OGDH: variants seen among roughly 807,000 people sequenced by gnomAD.
OGDH encodes the protein oxoglutarate dehydrogenase.
OGDH carries 38 observed loss-of-function variants against 116.6 expected under a neutral mutation model. The ratio of observed to expected loss-of-function variants is 0.33; its 90% CI spans 0.25 to 0.43. The LOEUF is 0.43. Among genes scored for constraint, OGDH ranks in the 20% least tolerant of loss-of-function variants. The probability of loss-of-function intolerance (pLI) is 1.00; values close to 1 mark genes in which losing one functional copy is unlikely to be tolerated. For synonymous variants in OGDH, 488 were observed against 533.3 expected (o/e 0.92, Z 1.17); for missense variants, 825 against 1,357.2 (o/e 0.61, Z 6.16).
intron 1 of OGDH, among the ~76,000 whole-genome samples, chr7:44,609,040 C>A (rs1784462896): frequency 6.6e-6 from 1 of 152,170 alleles, no homozygotes; most frequent in Admixed American, 6.6e-5. Flanking sequence ...CACCCACATT[C>A]CTCCCATTCC....
intron 3 of OGDH, among the ~76,000 whole-genome samples, chr7:44,646,229 T>C (rs1786175612): frequency 6.6e-6 from 1 of 152,238 alleles, no homozygotes; most frequent in Admixed American, 6.5e-5. Flanking sequence ...CAAGTGAGCC[T>C]GGTGCTTCCC....
chr7:44,617,096 A>G (rs1784836131), intron 1 of OGDH, among the ~76,000 whole-genome samples: 1 of 150,764 alleles, frequency 6.6e-6, no homozygotes, highest in South Asian at 2.1e-4. Context: ...ATGCACAGCT[A>G]ATTTTTTTGT....
chr7:44,665,010 A>T (rs143204936), intron 4 of OGDH, among the ~76,000 whole-genome samples: 2 of 152,354 alleles, frequency 1.3e-5, no homozygotes, highest in South Asian at 2.1e-4. Flanking sequence ...TCACAATCAA[A>T]ATATTTCCCA....
chr7:44,656,855 C>T (rs893374502), intron 4 of OGDH, among the ~76,000 whole-genome samples: 1 of 152,164 alleles, frequency 6.6e-6, no homozygotes, highest in Non-Finnish European at 1.5e-5. Flanking sequence ...TAAAAACTTA[C>T]TGAGAACTCT....
At chr7:44,608,465 G>A (rs1209059926) in intron 1 of OGDH, among the ~76,000 whole-genome samples, 7 of 152,004 alleles carry the variant, frequency 4.6e-5, no homozygotes, top group African/African-American at 9.7e-5. Context: ...TTGGGAGGCC[G>A]AGGTGGGTGG....
intron 2 of OGDH, among the ~76,000 whole-genome samples, chr7:44,633,261 A>AAC (rs1349280735): frequency 6.6e-6 from 1 of 151,192 alleles, no homozygotes; most frequent in Non-Finnish European, 1.5e-5. Context: ...TCAAAAAAAA[A>AAC]AAAAAAAAAA....
intron 9 of OGDH, 106 bp downstream of exon 9, chr7:44,676,255 T>A: frequency 6.3e-7 from 1 of 1,589,544 alleles, no homozygotes; most frequent in Non-Finnish European, 8.6e-7. Flanking sequence ...ATCTAGACTT[T>A]AAAAAAATAT....
At chr7:44,688,070 T>G (rs1398348863) in intron 10 of OGDH, among the ~76,000 whole-genome samples, 1 of 152,140 alleles carries the variant, frequency 6.6e-6, no homozygotes, top group Non-Finnish European at 1.5e-5. Flanking sequence ...TTTGGGCTAT[T>G]ATAAATAATG....
chr7:44,704,549 G>T (rs1788978445), intron 20 of OGDH, among the ~76,000 whole-genome samples: 1 of 151,838 alleles, frequency 6.6e-6, no homozygotes, highest in African/African-American at 2.4e-5. Flanking sequence ...TTTTGAATCT[G>T]GTTGCTTGTT....
chr7:44,702,581 TTTTA>T (rs553174514), intron 20 of OGDH, among the ~76,000 whole-genome samples: 12 of 151,574 alleles, frequency 7.9e-5, no homozygotes, highest in South Asian at 2.1e-4. Flanking sequence ...TTATTTTTAA[TTTTA>T]TTTATTTATT....
chr7:44,616,786 T>TGTATATGC, intron 1 of OGDH, among the ~76,000 whole-genome samples: 1 of 62,816 alleles, frequency 1.6e-5, no homozygotes, highest in Non-Finnish European at 4.5e-5. Flanking sequence ...TGTATATGCA[T>TGTATATGC]ATATATATGT....
At chr7:44,676,687 T>C (rs1449511710) in intron 9 of OGDH, 7 of 361,298 alleles carry the variant, frequency 1.9e-5, no homozygotes, top group Non-Finnish European at 2.3e-5. Flanking sequence ...CAGTCCTGCT[T>C]ACAGTGTTCC....
intron 9 of OGDH, 126 bp from the exon 10 acceptor site, chr7:44,681,594 C>A: frequency 1.5e-6 from 2 of 1,356,946 alleles, no homozygotes; most frequent in Non-Finnish European, 1.0e-6. Context: ...TTTCCTGCTA[C>A]TTTCTATGTT....
Position 44,697,276 on chromosome 7 carries a change from G to A in OGDH, c.2052-94G>A, listed in dbSNP as rs1026764695. 4 of 1,555,124 alleles carry A rather than the reference G, an allele frequency of 2.6e-6. No individual in the cohort carries two copies. On this transcript the variant is annotated intron_variant, in intron 15 of 22. Coordinates refer to ENST00000222673, the MANE Select transcript of OGDH (RefSeq NM_002541.4). This position sits in a 1 kb window ranked among gnomAD's most constrained non-coding sequence, Gnocchi z 6.0. ...TGCCTGGCCAGAAGTCCAGGTCACA[G>A]AGCATGGCATCTGCTGGTGCTTCGT... is the stretch of plus-strand genomic sequence containing the variant.
At chr7:44,648,390 C>T (rs763279748) in intron 4 of OGDH, among the ~76,000 whole-genome samples, 5 of 152,158 alleles carry the variant, frequency 3.3e-5, no homozygotes, top group Admixed American at 1.3e-4. Flanking sequence ...CCACCTACAC[C>T]CCCTCCTCCT....
At position 44,635,737 on chromosome 7, in the gene OGDH, G is replaced by A. The variant is rs913834942; in HGVS notation, c.223-9590G>A. ...TTTTTTTTTTTCGAGATGGAGTCTC[G>A]CTCTGTCTCCAGGCTGGAGTGCAGT... On this transcript the variant is annotated intron_variant, in intron 2 of 22. Transcript: ENST00000222673. 7.3e-5 allele frequency among the ~76,000 whole-genome samples: 11 copies of A among 149,820 alleles called. No homozygotes were observed. The South Asian group carries it at 1.3e-3, about 17-fold the overall frequency.
At chr7:44,614,303 G>GTTTTTTTTT (rs1223054626) in intron 1 of OGDH, among the ~76,000 whole-genome samples, 3 of 112,620 alleles carry the variant, frequency 2.7e-5, no homozygotes, top group Admixed American at 8.8e-5. Context: ...GGTTTTTTTT[G>GTTTTTTTTT]TTTTTTTTGT....
At chr7:44,647,368 A>G (rs987100415) in intron 3 of OGDH, 15 of 978,596 alleles carry the variant, frequency 1.5e-5, no homozygotes, top group Non-Finnish European at 2.0e-5. Flanking sequence ...AAAGGTTTGC[A>G]TAACCTGTGA....
At chr7:44,702,093 AT>A (rs1396051822) in intron 20 of OGDH, among the ~76,000 whole-genome samples, 10 of 150,640 alleles carry the variant, frequency 6.6e-5, no homozygotes, top group African/African-American at 2.4e-4. Context: ...AAAAAGTCCC[AT>A]GATACCAGAT....
Sources: allele counts gnomAD v4.1 joint callset (sites outside exome capture counted in the v4.1 genomes callset), GRCh38; gene constraint gnomAD v4.1.1; non-coding constraint Gnocchi (gnomAD v3.1); transcripts MANE v1.5; gene names NCBI Gene and HGNC (gene_info 2026-07-23, HGNC 2026-07-21).